Variants in GMDS observed in about 807,000 individuals in gnomAD.
The protein encoded by GMDS is GDP-mannose 4,6-dehydratase.
GMDS carries 20 observed loss-of-function variants against 49.9 expected under a neutral mutation model. The ratio of observed to expected loss-of-function variants is 0.40; its 90% CI spans 0.28 to 0.58. The LOEUF (loss-of-function observed/expected upper bound fraction) is 0.58. Ranked by LOEUF, GMDS falls within the 20% of genes least tolerant of loss-of-function variation. The pLI, the probability that GMDS is intolerant of heterozygous loss-of-function variation, is 0.42. For missense variants in GMDS, 362 were observed against 481.4 expected, an observed-to-expected ratio of 0.75 and a Z score of 2.32; for synonymous variants, 177 against 178.6, an observed-to-expected ratio of 0.99 and a Z score of 0.07.
intron 6 of GMDS, among the ~76,000 whole-genome samples, chr6:1,951,376 G>A (rs1339986473): frequency 6.6e-6 from 1 of 152,152 alleles, no homozygotes; most frequent in Admixed American, 6.5e-5. Flanking sequence ...TGAATACTGT[G>A]TTTAGACTGA....
At chr6:1,911,624 C>A (rs749060724) in intron 7 of GMDS, among the ~76,000 whole-genome samples, 55 of 151,522 alleles carry the variant, frequency 3.6e-4, no homozygotes, top group Admixed American at 1.7e-3. Flanking sequence ...ATGCCTTCCA[C>A]GCTGCATGGG....
At chr6:2,071,950 G>T (rs182337050) in intron 4 of GMDS, among the ~76,000 whole-genome samples, 3 of 152,116 alleles carry the variant, frequency 2.0e-5, no homozygotes, top group Non-Finnish European at 4.4e-5. Flanking sequence ...AGCAACGAAG[G>T]GGGGAAAAAA....
chr6:2,032,487 T>C (rs759979126), intron 4 of GMDS, among the ~76,000 whole-genome samples: 8 of 152,206 alleles, frequency 5.3e-5, no homozygotes, highest in Non-Finnish European at 1.2e-4. Context: ...GCATATTGTA[T>C]GTATTTGCAC....
chr6:2,084,950 T>C (rs979636003), intron 4 of GMDS, among the ~76,000 whole-genome samples: 4 of 152,232 alleles, frequency 2.6e-5, no homozygotes, highest in Non-Finnish European at 4.4e-5. Flanking sequence ...ATTAGTTACA[T>C]AAAACCACAA....
intron 9 of GMDS, among the ~76,000 whole-genome samples, chr6:1,680,194 A>T (rs1272226884): frequency 6.6e-6 from 1 of 152,198 alleles, no homozygotes; most frequent in Non-Finnish European, 1.5e-5. Context: ...ATATTCAAAG[A>T]CCGGGCCTCA....
intron 1 of GMDS, among the ~76,000 whole-genome samples, chr6:2,186,469 C>G (rs986517159): frequency 6.6e-6 from 1 of 152,184 alleles, no homozygotes; most frequent in African/African-American, 2.4e-5. Flanking sequence ...TCTGAATCAA[C>G]CTGGATGAAA....
intron 1 of GMDS, among the ~76,000 whole-genome samples, chr6:2,151,634 A>AGC (rs1776848823): frequency 2.0e-5 from 3 of 152,114 alleles, no homozygotes; most frequent in Admixed American, 2.0e-4. Context: ...TTATTTACTA[A>AGC]GCCTTGCTAT....
intron 7 of GMDS, among the ~76,000 whole-genome samples, chr6:1,906,101 T>C (rs1760764848): frequency 2.0e-5 from 3 of 152,322 alleles, no homozygotes; most frequent in Non-Finnish European, 4.4e-5. Flanking sequence ...CAAGTATTAC[T>C]GTAACTGTTA....
chr6:1,737,650 CAT>C (rs371229642), intron 8 of GMDS, among the ~76,000 whole-genome samples: 14 of 147,400 alleles, frequency 9.5e-5, no homozygotes, highest in Admixed American at 3.4e-4. Flanking sequence ...CATACATACA[CAT>C]ACACACACCA....
intron 1 of GMDS, among the ~76,000 whole-genome samples, chr6:2,242,976 T>TA (rs1358353097): frequency 6.6e-6 from 1 of 152,112 alleles, no homozygotes. Context: ...GGAATACAAA[T>TA]AAAAAACATA....
intron 4 of GMDS, among the ~76,000 whole-genome samples, chr6:1,998,346 A>G (rs1272046362): frequency 6.6e-6 from 1 of 152,142 alleles, no homozygotes; most frequent in Non-Finnish European, 1.5e-5. Context: ...TAAATAAAAT[A>G]ATAAAAAGAA....
intron 7 of GMDS, among the ~76,000 whole-genome samples, chr6:1,819,043 C>T (rs1388835627): frequency 6.6e-6 from 1 of 152,048 alleles, no homozygotes; most frequent in African/African-American, 2.4e-5. Context: ...TTCACACACA[C>T]ACATACACAC....
chr6:1,774,757 T>C (rs1281019492), intron 7 of GMDS, among the ~76,000 whole-genome samples: 1 of 152,212 alleles, frequency 6.6e-6, no homozygotes, highest in East Asian at 1.9e-4. Flanking sequence ...CCTCTGTGGT[T>C]ATAAAGAAGC....
intron 9 of GMDS, among the ~76,000 whole-genome samples, chr6:1,716,362 T>C (rs932331988): frequency 6.6e-6 from 1 of 152,146 alleles, no homozygotes; most frequent in Non-Finnish European, 1.5e-5. Context: ...GGAGACACTC[T>C]TCCAGAATTT....
At position 2,239,232 on chromosome 6, in the gene GMDS, G is replaced by A. The variant is rs9405551; in HGVS notation, c.102+6089C>T. On this transcript the variant is annotated intron_variant, in intron 1 of 10. Coordinates refer to ENST00000380815, the MANE Select transcript of GMDS (RefSeq NM_001500.4). ...TAATCCCAGCTACTCAGGAGGCTGA[G>A]GCACAAGAATCACTTGAACCCAGGA... Among the ~76,000 whole-genome samples, 16 of 151,866 alleles carry A rather than the reference G, an allele frequency of 1.1e-4. No homozygotes were observed. In the South Asian group the frequency reaches 1.7e-3, roughly 16 times the overall value.
intron 4 of GMDS, among the ~76,000 whole-genome samples, chr6:2,086,617 T>C (rs1018889915): frequency 1.3e-5 from 2 of 152,260 alleles, no homozygotes; most frequent in Non-Finnish European, 2.9e-5. Flanking sequence ...AGCTTTTACA[T>C]ACTTTTCAAT....
intron 6 of GMDS, among the ~76,000 whole-genome samples, chr6:1,945,680 C>G (rs1335641251): frequency 6.6e-6 from 1 of 152,102 alleles, no homozygotes; most frequent in African/African-American, 2.4e-5. Context: ...GAGGCTGAGG[C>G]AGGAAGATTG....
At chr6:1,949,169 T>C (rs143299694) in intron 6 of GMDS, 2 of 212,266 alleles carry the variant, frequency 9.4e-6, no homozygotes, top group East Asian at 1.8e-4. Context: ...AAATCTACTA[T>C]GCACTGTATT....
chr6:1,917,310 G>A (rs2113894490), intron 7 of GMDS, among the ~76,000 whole-genome samples: 1 of 152,330 alleles, frequency 6.6e-6, no homozygotes, highest in South Asian at 2.1e-4. Flanking sequence ...CTGCACTGAG[G>A]AGTTGGCAGA....
Sources: allele counts gnomAD v4.1 joint callset (sites outside exome capture counted in the v4.1 genomes callset), GRCh38; gene constraint gnomAD v4.1.1; transcripts MANE v1.5; gene names NCBI Gene and HGNC (gene_info 2026-07-23, HGNC 2026-07-21).